Variants in ATP2B2 observed in about 807,000 individuals in gnomAD.
The protein encoded by ATP2B2 is plasma membrane calcium-transporting ATPase 2.
A neutral mutation model predicts 120.0 loss-of-function variants in ATP2B2; 15 were observed. That is an observed-to-expected ratio of 0.12 (90% CI 0.08 to 0.19). The LOEUF (loss-of-function observed/expected upper bound fraction) is 0.19, where lower values mean the gene tolerates loss of function less well. Ranked by LOEUF, ATP2B2 falls within the 10% of genes least tolerant of loss-of-function variation. The pLI, the probability that ATP2B2 is intolerant of heterozygous loss-of-function variation, is 1.00. For synonymous variants in ATP2B2, 694 were observed against 700.3 expected (o/e 0.99, Z 0.14); for missense variants, 1,045 against 1,719.8 (o/e 0.61, Z 6.94).
intron 1 of ATP2B2, among the ~76,000 whole-genome samples, chr3:10,488,463 A>C (rs1483808396): frequency 1.0e-5 from 1 of 95,808 alleles, no homozygotes; most frequent in Non-Finnish European, 2.1e-5. Context: ...CACCCTACAA[A>C]TTCCTTCCTT....
At chr3:10,683,758 GTGTATATATATATATATATA>G (rs2071441929) in intron 1 of ATP2B2, among the ~76,000 whole-genome samples, 1 of 33,636 alleles carries the variant, frequency 3.0e-5, no homozygotes, top group Non-Finnish European at 6.0e-5. Context: ...ATGTGTGTGT[GTGTATATATATATATATATA>G]TATATATATA....
intron 1 of ATP2B2, chr3:10,626,070 A>G (rs998059786): frequency 7.9e-5 from 12 of 152,226 alleles, no homozygotes; most frequent in African/African-American, 2.4e-4. Flanking sequence ...ATTTGAATAA[A>G]GATTTTCAGT....
rs565185765 is a variant in ATP2B2 at position 10,439,735 on chromosome 3, G to A, written c.199+9610C>T. On this transcript the variant is annotated intron_variant, in intron 2 of 22. Transcript: ENST00000360273. ...CAAAGCATTTAAAAAGGAGTATCAGGCCGGGCACAGTGGCTCATGCCTGTA... is the reference window on the plus strand; with the variant it reads ...CAAAGCATTTAAAAAGGAGTATCAGACCGGGCACAGTGGCTCATGCCTGTA... Among the ~76,000 whole-genome samples the A allele has an allele frequency of 3.9e-5, 6 of 152,086 alleles. No homozygotes were observed. In the East Asian group the frequency reaches 1.2e-3, roughly 29 times the overall value.
intron 2 of ATP2B2, among the ~76,000 whole-genome samples, chr3:10,440,967 T>G (rs2125140266): frequency 1.3e-5 from 2 of 152,358 alleles, no homozygotes; most frequent in Admixed American, 1.3e-4. Flanking sequence ...TGGCTGCTGT[T>G]AGTGTTCAAT....
intron 2 of ATP2B2, among the ~76,000 whole-genome samples, chr3:10,541,215 T>TAA (rs1416967838): frequency 6.6e-6 from 1 of 152,210 alleles, no homozygotes; most frequent in African/African-American, 2.4e-5. Flanking sequence ...TTCAAAGAAA[T>TAA]ATCTCTGTGT....
intron 1 of ATP2B2, among the ~76,000 whole-genome samples, chr3:10,455,592 T>C (rs2064224944): frequency 6.6e-6 from 1 of 152,246 alleles, no homozygotes; most frequent in Admixed American, 6.5e-5. Context: ...CTCCTAGTTA[T>C]TAGCAAATGT....
At chr3:10,702,021 C>T (rs1037174690) in intron 1 of ATP2B2, among the ~76,000 whole-genome samples, 2 of 152,170 alleles carry the variant, frequency 1.3e-5, no homozygotes, top group Non-Finnish European at 2.9e-5. Flanking sequence ...CAGGGCCTAA[C>T]ATTTCACTGT....
chr3:10,348,803 C>G (rs2060498294), intron 16 of ATP2B2, among the ~76,000 whole-genome samples: 1 of 152,224 alleles, frequency 6.6e-6, no homozygotes, highest in South Asian at 2.1e-4. Context: ...GCAGCCTGGC[C>G]CATGAATTCC....
At chr3:10,592,295 T>C (rs1330049860) in intron 2 of ATP2B2, among the ~76,000 whole-genome samples, 1 of 152,232 alleles carries the variant, frequency 6.6e-6, no homozygotes, top group African/African-American at 2.4e-5. Flanking sequence ...CAGAGAGATT[T>C]GACAAGATTT....
Position 10,576,892 on chromosome 3 carries a change from G to A in ATP2B2, c.-414-42759C>T, listed in dbSNP as rs574919899. Among the ~76,000 whole-genome samples the A allele has an allele frequency of 4.8e-4, 73 of 151,992 alleles. No individual in the cohort carries two copies. The South Asian group carries it at 8.6e-3, about 18-fold the overall frequency. ...AGCCTGGTCAATATGGTGAAACCCC[G>A]TCTCTACTAAAATTAGCCTGGTATG... On this transcript the variant is annotated intron_variant, in intron 2 of 21. Transcript: ENST00000646379.
intron 1 of ATP2B2, among the ~76,000 whole-genome samples, chr3:10,631,929 G>GATA (rs1429344339): frequency 6.6e-6 from 1 of 152,202 alleles, no homozygotes; most frequent in Non-Finnish European, 1.5e-5. Context: ...TACCAAAGAT[G>GATA]AACTATTGTT....
At chr3:10,567,450 T>C (rs1388810200) in intron 2 of ATP2B2, among the ~76,000 whole-genome samples, 1 of 152,142 alleles carries the variant, frequency 6.6e-6, no homozygotes, top group Admixed American at 6.5e-5. Flanking sequence ...AGGAATGCCA[T>C]ATAGGGGGGT....
chr3:10,544,082 G>A (rs1273998647), intron 2 of ATP2B2, among the ~76,000 whole-genome samples: 1 of 152,112 alleles, frequency 6.6e-6, no homozygotes, highest in Non-Finnish European at 1.5e-5. Flanking sequence ...CTTCAGAAAA[G>A]AAGTTTGAGA....
intron 1 of ATP2B2, among the ~76,000 whole-genome samples, chr3:10,648,534 G>A (rs936452483): frequency 5.9e-5 from 9 of 151,920 alleles, no homozygotes; most frequent in Non-Finnish European, 8.8e-5. Flanking sequence ...CATACTTCTC[G>A]CCAGAGCCCC....
chr3:10,430,339 G>C (rs147010900), intron 2 of ATP2B2, among the ~76,000 whole-genome samples: 5 of 152,266 alleles, frequency 3.3e-5, no homozygotes, highest in African/African-American at 9.6e-5. Context: ...TTCTGGAAAG[G>C]ATTCACCACT....
At chr3:10,512,262 C>T (rs187178850) in intron 3 of ATP2B2, among the ~76,000 whole-genome samples, 17 of 152,042 alleles carry the variant, frequency 1.1e-4, no homozygotes, top group Admixed American at 3.3e-4. Flanking sequence ...AGAGGGGTGA[C>T]GACTGAGAAT....
At chr3:10,462,940 A>G (rs1339390508) in intron 1 of ATP2B2, among the ~76,000 whole-genome samples, 2 of 152,172 alleles carry the variant, frequency 1.3e-5, no homozygotes, top group Non-Finnish European at 2.9e-5. Flanking sequence ...GGTCCCACTG[A>G]GGGACCTTAT....
chr3:10,541,180 A>G (rs976256794), intron 2 of ATP2B2, among the ~76,000 whole-genome samples: 1 of 152,128 alleles, frequency 6.6e-6, no homozygotes, highest in African/African-American at 2.4e-5. Context: ...TAGTTTTGCT[A>G]GAATTTTTTG....
At chr3:10,336,069 TG>T in intron 22 of ATP2B2, 1 of 1,525,286 alleles carries the variant, frequency 6.6e-7, no homozygotes, top group Non-Finnish European at 8.9e-7. Flanking sequence ...CCCCAGCCCC[TG>T]CCCGCCTGGG....
Sources: gnomAD v4.1 joint callset for allele counts (sites outside exome capture counted in the v4.1 genomes callset) on GRCh38, gnomAD v4.1.1 for gene constraint, MANE v1.5 for transcripts, NCBI Gene and HGNC (gene_info 2026-07-23, HGNC 2026-07-21) for gene names.